The following HEATR3 variants were observed in gnomAD, a reference collection of about 807,000 sequenced individuals.
HEATR3 encodes HEAT repeat-containing protein 3.
A neutral mutation model predicts 72.8 loss-of-function variants in HEATR3; 56 were observed. The ratio of observed to expected loss-of-function variants is 0.77; its 90% CI spans 0.62 to 0.96. The LOEUF (loss-of-function observed/expected upper bound fraction) is 0.96. Among genes scored for constraint, HEATR3 ranks in the 40% least tolerant of loss-of-function variants. The pLI, the probability that HEATR3 is intolerant of heterozygous loss-of-function variation, is 0.00. For missense variants in HEATR3, 747 were observed against 831.4 expected, an observed-to-expected ratio of 0.90 and a Z score of 1.25; for synonymous variants, 331 against 318.1, an observed-to-expected ratio of 1.04 and a Z score of -0.43.
chr16:50,096,411 G>T (rs1373308736), intron 12 of HEATR3, among the ~76,000 whole-genome samples: 2 of 151,188 alleles, frequency 1.3e-5, no homozygotes, highest in African/African-American at 4.9e-5. Context: ...CAAGGTTCAT[G>T]TGTTGCTTTT....
At chr16:50,070,740 G>T (rs966340731) in intron 4 of HEATR3, among the ~76,000 whole-genome samples, 4 of 151,902 alleles carry the variant, frequency 2.6e-5, no homozygotes, top group African/African-American at 9.7e-5. Flanking sequence ...AGGATCAAGT[G>T]ACCTAAGATC....
chr16:50,095,519 G>C lies in HEATR3; in HGVS notation c.1599+726G>C, dbSNP rs545831695. Among the ~76,000 whole-genome samples, 3 of 149,324 alleles carry C rather than the reference G, an allele frequency of 2.0e-5. No homozygotes were observed. In the South Asian group the frequency reaches 6.4e-4, roughly 32 times the overall value. On this transcript the variant is annotated intron_variant, in intron 12 of 14. Coordinates refer to ENST00000299192, the MANE Select transcript of HEATR3 (RefSeq NM_182922.4). Reference sequence around the variant, plus strand: ...CTCCCATAGGTGCCTTACCACTTTTGCTACTTTTTACTAAGGAGACTTTTA... The same window carrying C: ...CTCCCATAGGTGCCTTACCACTTTTCCTACTTTTTACTAAGGAGACTTTTA...
At chr16:50,095,223 C>T (rs185549719) in intron 12 of HEATR3, among the ~76,000 whole-genome samples, 4 of 151,606 alleles carry the variant, frequency 2.6e-5, no homozygotes, top group African/African-American at 4.8e-5. Flanking sequence ...AAGTGATTCT[C>T]GTGCCTCAGC....
chr16:50,066,048 C>T lies in HEATR3; in HGVS notation c.-84C>T. 2 of 1,437,068 alleles carry T rather than the reference C, an allele frequency of 1.4e-6. No individual in the cohort carries two copies. Among genetic ancestry groups the T allele is most frequent in the East Asian group, 2.7e-5 (1 of 37,070 alleles). The allele number at this position is 1,437,068 out of a possible 1,614,324, so 89.0% of individuals were successfully genotyped here. A position where few individuals can be genotyped will look rare whatever the true frequency, so the allele number is the denominator to read the frequency against. On this transcript the variant is annotated 5_prime_UTR_variant, in exon 1 of 15. It adds an upstream start codon to the 5' untranslated region. Transcript: ENST00000299192. ...AGCCGGCCCAGCTGAGCAGCAGCAA[C>T]GGACCTTGTTAACGGCGCGGCAGCC...
At position 50,066,004 on chromosome 16, in the gene HEATR3, C is replaced by G; in HGVS notation, c.-128C>G. The G allele has an allele frequency of 1.1e-6, 1 of 944,180 alleles. No individual in the cohort carries two copies. Among genetic ancestry groups the G allele is most frequent in the South Asian group, 1.6e-5 (1 of 61,706 alleles). The allele number at this position is 944,180 out of a possible 1,614,324, so 58.5% of individuals were successfully genotyped here. A position where few individuals can be genotyped will look rare whatever the true frequency, so the allele number is the denominator to read the frequency against. On this transcript the variant is annotated 5_prime_UTR_variant, in exon 1 of 15. Transcript: ENST00000299192. ...GCCGTGCGCCTGCGCACGGCTTGCC[C>G]ATGTGTGCTGCAGCCGTCAGCCGGC...
At chr16:50,088,893 T>G (rs1363756028) in intron 11 of HEATR3, among the ~76,000 whole-genome samples, 1 of 151,992 alleles carries the variant, frequency 6.6e-6, no homozygotes, top group Non-Finnish European at 1.5e-5. Context: ...AGCTGCCATC[T>G]CTCAGCTCTG....
At chr16:50,074,285 A>T (rs1358242680) in intron 5 of HEATR3, 1 of 152,204 alleles carries the variant, frequency 6.6e-6, no homozygotes, top group Non-Finnish European at 1.5e-5. Flanking sequence ...CAGACGTCCC[A>T]AAACCTAAGG....
intron 12 of HEATR3, among the ~76,000 whole-genome samples, chr16:50,097,159 A>G (rs2037257894): frequency 6.6e-6 from 1 of 152,082 alleles, no homozygotes; most frequent in Non-Finnish European, 1.5e-5. Context: ...TATATTTCCT[A>G]TATTTATATC....
At chr16:50,103,500 G>A (rs543617766) in intron 14 of HEATR3, among the ~76,000 whole-genome samples, 1 of 152,308 alleles carries the variant, frequency 6.6e-6, no homozygotes, top group Admixed American at 6.5e-5. Context: ...CTTGAGCAGT[G>A]TTTCTCAAAA....
intron 13 of HEATR3, 66 bp from the exon 14 acceptor site, chr16:50,102,193 A>G: frequency 2.2e-6 from 3 of 1,382,410 alleles, no homozygotes; most frequent in Non-Finnish European, 3.0e-6. Context: ...TTATTGCCAC[A>G]TTCAAAGTTG....
At chr16:50,077,523 G>A (rs543447168) in intron 6 of HEATR3, among the ~76,000 whole-genome samples, 13 of 152,226 alleles carry the variant, frequency 8.5e-5, no homozygotes, top group East Asian at 5.8e-4. Context: ...GTAAAAATCC[G>A]GAACTCTTTT....
At chr16:50,070,095 C>G (rs2036577902) in intron 3 of HEATR3, 83 bp from the exon 4 acceptor site, 1 of 600,518 alleles carries the variant, frequency 1.7e-6, no homozygotes, top group Admixed American at 2.9e-5. Flanking sequence ...TGATGTCTAG[C>G]CTTTGTGTTT....
chr16:50,081,634 A>G (rs2036869624), intron 7 of HEATR3, among the ~76,000 whole-genome samples: 2 of 152,192 alleles, frequency 1.3e-5, no homozygotes, highest in Non-Finnish European at 2.9e-5. Flanking sequence ...TGCCAGTAGG[A>G]TGCCAGGAAC....
chr16:50,097,698 T>C (rs1004357047), intron 12 of HEATR3, among the ~76,000 whole-genome samples: 3 of 151,992 alleles, frequency 2.0e-5, no homozygotes, highest in Admixed American at 6.6e-5. Context: ...GCGGATCACT[T>C]GAGGTCAGGA....
In HEATR3 at chr16:50,083,976, A is replaced by G. The variant is rs2036928926; in HGVS notation, c.1081A>G (p.Thr361Ala). Residue 361 changes from threonine (T) to alanine (A), a missense_variant, in exon 8 of 15, where the codon ACA becomes GCA. Coordinates refer to ENST00000299192, the MANE Select transcript of HEATR3 (RefSeq NM_182922.4). ...ACTGAGAGAGACTATAGCATTGCTG[A>G]CAGCCCAACAGACTGCTCTGGAAAT... ...KELRETIALL[T>A]AQQTALEIIV... The G allele has an allele frequency of 1.2e-6, 2 of 1,613,176 alleles. No individual in the cohort carries two copies. Among genetic ancestry groups the G allele is most frequent in the Non-Finnish European group, 1.7e-6 (2 of 1,179,924 alleles).
chr16:50,089,713 G>A (rs1398679607), intron 11 of HEATR3, among the ~76,000 whole-genome samples: 2 of 151,794 alleles, frequency 1.3e-5, no homozygotes, highest in African/African-American at 4.8e-5. Flanking sequence ...CTGTTGCCCA[G>A]GCTGGAGTAC....
chr16:50,066,285 C>CG lies in HEATR3; in HGVS notation c.138+17dup. 1 of 1,576,632 alleles carries CG rather than the reference C, an allele frequency of 6.3e-7. No homozygotes were observed. Among genetic ancestry groups the CG allele is most frequent in the Non-Finnish European group, 8.6e-7 (1 of 1,165,906 alleles). ...GCTGGAAAAGGTGAGGCGAGGGCTC[C>CG]GTCGGGCCGGGAGGCGAGACGAGGT... On this transcript the variant is annotated intron_variant, in intron 1 of 14. Coordinates refer to ENST00000299192, the MANE Select transcript of HEATR3 (RefSeq NM_182922.4).
chr16:50,082,208 T>C (rs2036882317), intron 7 of HEATR3, among the ~76,000 whole-genome samples: 1 of 151,894 alleles, frequency 6.6e-6, no homozygotes, highest in East Asian at 1.9e-4. Flanking sequence ...CCGAGAATGG[T>C]GGTGCATGCC....
At chr16:50,094,573 T>G (rs938516676) in intron 11 of HEATR3, 132 bp from the exon 12 acceptor site, 27 of 491,478 alleles carry the variant, frequency 5.5e-5, no homozygotes, top group South Asian at 3.1e-4. Context: ...ATATCGAGGG[T>G]TTTTTTTTGT....
Sources: allele counts gnomAD v4.1 joint callset (sites outside exome capture counted in the v4.1 genomes callset), GRCh38; gene constraint gnomAD v4.1.1; transcripts MANE v1.5; gene names NCBI Gene and HGNC (gene_info 2026-07-23, HGNC 2026-07-21).